ATXN10: variants seen among roughly 807,000 people sequenced by gnomAD.
ATXN10 encodes ataxin-10.
In ATXN10, 28 loss-of-function variants were observed where a neutral mutation model predicts 52.9. The observed-to-expected ratio is 0.53, with a 90% CI of 0.39 to 0.73. ATXN10 has a LOEUF of 0.73. Ranked by LOEUF, ATXN10 falls within the 30% of genes least tolerant of loss-of-function variation. The pLI is 0.00. For synonymous variants in ATXN10, 226 were observed against 221.5 expected, an observed-to-expected ratio of 1.02 and a Z score of -0.18; for missense variants, 565 against 577.0, an observed-to-expected ratio of 0.98 and a Z score of 0.21.
Position 45,729,502 on chromosome 22 carries a change from T to C in ATXN10, c.806T>C (p.Leu269Ser). 1 of 1,614,198 alleles carries C rather than the reference T, an allele frequency of 6.2e-7. No homozygotes were observed. Among genetic ancestry groups the C allele is most frequent in the Non-Finnish European group, 8.5e-7 (1 of 1,180,036 alleles). Residue 269 changes from leucine to serine, a missense_variant, in exon 7 of 12, where the codon TTG (leucine) becomes TCG (serine). Coordinates refer to ENST00000252934, the MANE Select transcript of ATXN10 (RefSeq NM_013236.4). ...ACCAAGGATGACATCCCTGTGTTTT[T>C]GCGGCATGCTGAGTTGATTGCAAGC... is the stretch of plus-strand genomic sequence containing the variant. The part of the protein sequence containing the change: ...PLTKDDIPVF[L>S]RHAELIASTF...
intron 6 of ATXN10, 85 bp from the exon 7 acceptor site, chr22:45,729,340 C>A: frequency 7.5e-7 from 1 of 1,331,050 alleles, no homozygotes; most frequent in Non-Finnish European, 1.1e-6. Context: ...TAATAATATT[C>A]CCTTAAAGTT....
chr22:45,815,272 C>A (rs902399012), intron 10 of ATXN10, among the ~76,000 whole-genome samples: 1 of 152,116 alleles, frequency 6.6e-6, no homozygotes, highest in Non-Finnish European at 1.5e-5. Context: ...ACCTGAAGTT[C>A]AGGAACAGGC....
rs528828303 is a variant in ATXN10, at chr22:45,732,375, C to T, written c.894+2785C>T. On this transcript the variant is annotated intron_variant, in intron 7 of 11. Transcript: ENST00000252934. This position sits in a 1 kb window ranked among gnomAD's most constrained non-coding sequence, Gnocchi z 4.5. The stretch of plus-strand genomic sequence containing the variant: ...CGGTGAGGCTGAGGTGGGAGGCTTG[C>T]CTAAGCCCAGAAGATTGAGGCTGCA... Among the ~76,000 whole-genome samples, 1 of 152,012 alleles carries T rather than the reference C, an allele frequency of 6.6e-6. No homozygotes were observed. Among genetic ancestry groups the T allele is most frequent in the African/African-American group, 2.4e-5 (1 of 41,528 alleles).
Position 45,783,100 on chromosome 22 carries a change from G to A in ATXN10, c.1174-23859G>A, listed in dbSNP as rs1927206196. 6.6e-6 allele frequency among the ~76,000 whole-genome samples: 1 copy of A among 152,124 alleles called. No individual in the cohort carries two copies. Among genetic ancestry groups the A allele is most frequent in the African/African-American group, 2.4e-5 (1 of 41,426 alleles). The stretch of plus-strand genomic sequence containing the variant: ...TTTTCACTTAAAGGAAGCACTTTAT[G>A]GCTTCTCTTTGGCATATTCAAATTG... On this transcript the variant is annotated intron_variant, in intron 9 of 11. Coordinates refer to ENST00000252934, the MANE Select transcript of ATXN10 (RefSeq NM_013236.4). This position sits in a 1 kb window ranked among gnomAD's most constrained non-coding sequence, Gnocchi z 5.0.
intron 10 of ATXN10, 150 bp downstream of exon 10, chr22:45,807,172 A>T: frequency 1.4e-6 from 1 of 737,206 alleles, no homozygotes; most frequent in Admixed American, 2.0e-5. Context: ...TCTCAGAGTT[A>T]TGGTGCTAGA....
At position 45,727,891 on chromosome 22, in the gene ATXN10, C is replaced by T. The variant is rs1447155448; in HGVS notation, c.729-1534C>T. On this transcript the variant is annotated intron_variant, in intron 6 of 11. Transcript: ENST00000252934. The surrounding 1 kb of genome is among the most constrained non-coding windows in gnomAD (Gnocchi z 4.6). ...TTGCTTTAAAGTCTATTTTATCTGA[C>T]ATAAGAGCTGTTCTGCTTGCTTTCG... 1.3e-5 allele frequency among the ~76,000 whole-genome samples: 2 copies of T among 152,026 alleles called. No individual in the cohort carries two copies. Among genetic ancestry groups the T allele is most frequent in the Admixed American group, 6.6e-5 (1 of 15,258 alleles).
At chr22:45,699,618 A>T (rs891380879) in intron 3 of ATXN10, among the ~76,000 whole-genome samples, 4 of 149,894 alleles carry the variant, frequency 2.7e-5, no homozygotes, top group African/African-American at 9.8e-5. Context: ...CAGCCTCCTA[A>T]GTAGCTGGGA....
At chr22:45,796,330 G>A (rs1927737619) in intron 9 of ATXN10, among the ~76,000 whole-genome samples, 1 of 152,206 alleles carries the variant, frequency 6.6e-6, no homozygotes, top group Admixed American at 6.5e-5. Flanking sequence ...ATCAATGACA[G>A]TGTGTGCCCA....
Position 45,805,712 on chromosome 22 carries a change from G to A in ATXN10, c.1174-1247G>A, listed in dbSNP as rs930252084. 5.9e-5 allele frequency among the ~76,000 whole-genome samples: 9 copies of A among 152,210 alleles called. No individual in the cohort carries two copies. Among genetic ancestry groups the A allele is most frequent in the Non-Finnish European group, 8.8e-5 (6 of 68,040 alleles). On this transcript the variant is annotated intron_variant, in intron 9 of 11. Transcript: ENST00000252934. This position sits in a 1 kb window ranked among gnomAD's most constrained non-coding sequence, Gnocchi z 4.4. ...GACTGGGGGGAGGGAAGAATAAGGA[G>A]TGACTGCCAGTGGGTGTGGAGTTTC...
At position 45,839,841 on chromosome 22, in the gene ATXN10, G is replaced by T. The variant is rs192888742; in HGVS notation, c.1238-3150G>T. 3.9e-5 allele frequency among the ~76,000 whole-genome samples: 6 copies of T among 152,296 alleles called. No individual in the cohort carries two copies. In the East Asian group the frequency reaches 1.2e-3, roughly 29 times the overall value. ...CATCTAATCTCTCAAACCCTAAAAA[G>T]CCCTGGGTCGGGAAACCACACCAAC... On this transcript the variant is annotated intron_variant, in intron 10 of 11. Coordinates refer to ENST00000252934, the MANE Select transcript of ATXN10 (RefSeq NM_013236.4).
intron 9 of ATXN10, among the ~76,000 whole-genome samples, chr22:45,798,184 C>G (rs1221282982): frequency 2.0e-5 from 3 of 152,182 alleles, no homozygotes. Flanking sequence ...GCCACCATTA[C>G]TCTGTTCCCA....
chr22:45,693,117 A>T, intron 3 of ATXN10, 39 bp downstream of exon 3: 1 of 1,554,304 alleles, frequency 6.4e-7, no homozygotes, highest in Non-Finnish European at 8.9e-7. Flanking sequence ...TTATATCTTT[A>T]TAAAGGGTTC....
intron 7 of ATXN10, among the ~76,000 whole-genome samples, chr22:45,735,523 G>A (rs1342507895): frequency 6.6e-6 from 1 of 151,900 alleles, no homozygotes; most frequent in Non-Finnish European, 1.5e-5. Flanking sequence ...AATTCAGAGA[G>A]GTATGTGTTT....
In ATXN10 at chr22:45,718,422, T is replaced by G. The variant is rs767909284; in HGVS notation, c.657T>G (p.Ile219Met). ...KHPESEWPFL[I>M]ITDLFLKSPE... Reference sequence around the variant, plus strand: ...CCTCTTTTTTCCCTAGGTTCTTGATTATTACAGACCTCTTTCTGAAAAGCC... The same window carrying G: ...CCTCTTTTTTCCCTAGGTTCTTGATGATTACAGACCTCTTTCTGAAAAGCC... Residue 219 changes from isoleucine to methionine, a missense_variant, in exon 6 of 12, where the codon ATT becomes ATG. Ile to Met is a conservative substitution (Grantham distance 10). Coordinates refer to ENST00000252934, the MANE Select transcript of ATXN10 (RefSeq NM_013236.4). This position sits in a 1 kb window ranked among gnomAD's most constrained non-coding sequence, Gnocchi z 4.4. 6 of 1,613,268 alleles carry G rather than the reference T, an allele frequency of 3.7e-6. No individual in the cohort carries two copies. In the East Asian group the frequency reaches 1.3e-4, roughly 36 times the overall value.
rs537872312 is a variant in ATXN10, at chr22:45,820,472, G to T, written c.1237+13450G>T. On this transcript the variant is annotated intron_variant, in intron 10 of 11. Transcript: ENST00000252934. The surrounding 1 kb of genome is among the most constrained non-coding windows in gnomAD (Gnocchi z 4.9). ...CTGAGCAACTTGGAGGGAATTCAGAGGTCTGCTTTTCTGCCTGGAGTTGAC... is the reference window on the plus strand; with the variant it reads ...CTGAGCAACTTGGAGGGAATTCAGATGTCTGCTTTTCTGCCTGGAGTTGAC... 9.8e-5 allele frequency among the ~76,000 whole-genome samples: 15 copies of T among 152,336 alleles called. No individual in the cohort carries two copies. Among genetic ancestry groups the T allele is most frequent in the Non-Finnish European group, 1.9e-4 (13 of 68,030 alleles).
At chr22:45,752,760 C>T (rs554554668) in intron 9 of ATXN10, among the ~76,000 whole-genome samples, 5 of 150,114 alleles carry the variant, frequency 3.3e-5, no homozygotes, top group Admixed American at 2.0e-4. Flanking sequence ...TTTTTTGAGA[C>T]GGAGTTTTGC....
intron 9 of ATXN10, chr22:45,793,743 C>T: frequency 7.0e-7 from 1 of 1,432,096 alleles, no homozygotes; most frequent in Non-Finnish European, 9.2e-7. Flanking sequence ...CTCTTGCCAC[C>T]CCCGATTCCT....
At chr22:45,764,457 C>CGT (rs1472118133) in intron 9 of ATXN10, among the ~76,000 whole-genome samples, 12 of 152,296 alleles carry the variant, frequency 7.9e-5, no homozygotes, top group African/African-American at 2.6e-4. Context: ...ATCTCCCTTG[C>CGT]GTCTGGCTAA....
chr22:45,777,441 G>C (rs373748859), intron 9 of ATXN10, among the ~76,000 whole-genome samples: 1 of 152,184 alleles, frequency 6.6e-6, no homozygotes, highest in Non-Finnish European at 1.5e-5. Context: ...ATGCATTTCT[G>C]TTCCAAGAAA....
Sources: allele counts gnomAD v4.1 joint callset (sites outside exome capture counted in the v4.1 genomes callset), GRCh38; gene constraint gnomAD v4.1.1; non-coding constraint Gnocchi (gnomAD v3.1); transcripts MANE v1.5; gene names NCBI Gene and HGNC (gene_info 2026-07-23, HGNC 2026-07-21).